SLC22A2: variants seen among roughly 807,000 people sequenced by gnomAD.
SLC22A2 encodes the protein organic cation transporter 2.
A neutral mutation model predicts 60.5 loss-of-function variants in SLC22A2; 46 were observed. The ratio of observed to expected loss-of-function variants is 0.76; its 90% CI spans 0.60 to 0.97. SLC22A2 has a LOEUF of 0.97. SLC22A2 is among the 50% of genes least tolerant of loss of function. The probability of loss-of-function intolerance (pLI) is 0.00; values close to 1 mark genes in which losing one functional copy is unlikely to be tolerated. For synonymous variants in SLC22A2, 303 were observed against 267.0 expected (o/e 1.13, Z -1.31); for missense variants, 701 against 706.6 (o/e 0.99, Z 0.09).
rs190969143 is a variant in SLC22A2 at position 160,229,022 on chromosome 6, G to T, written c.1502-4218C>A. On this transcript the variant is annotated intron_variant, in intron 9 of 10. Coordinates refer to ENST00000366953, the MANE Select transcript of SLC22A2 (RefSeq NM_003058.4). Reference sequence around the variant, plus strand: ...CTCGTTGCTCACACAAAGCCTGTTTGGTGGTCTCTTCACATGGACACCAGT... The same window carrying T: ...CTCGTTGCTCACACAAAGCCTGTTTTGTGGTCTCTTCACATGGACACCAGT... 3.2e-3 allele frequency among the ~76,000 whole-genome samples: 493 copies of T among 151,972 alleles called. 10 individuals are homozygous for T. Among genetic ancestry groups the T allele is most frequent in the African/African-American group, 0.011 (469 of 41,268 alleles).
Position 160,245,525 on chromosome 6 carries a change from T to G in SLC22A2, c.978A>C (p.Glu326Asp), listed in dbSNP as rs372742975. The G allele has an allele frequency of 6.2e-7, 1 of 1,610,922 alleles. No homozygotes were observed. Among genetic ancestry groups the G allele is most frequent in the Non-Finnish European group, 8.5e-7 (1 of 1,178,080 alleles). ...ATGAAGGGTTCAATTTCTTGCCAGT[T>G]TCCTCTTCAAGTCTCAGGCGCTAAG... ...ASLQRLRLEE[E>D]TGKKLNPSFL... Residue 326 changes from glutamate (E) to aspartate (D), a missense_variant, in exon 6 of 11, where the codon GAA becomes GAC. Coordinates refer to ENST00000366953, the MANE Select transcript of SLC22A2 (RefSeq NM_003058.4).
chr6:160,231,430 A>G (rs1308377106), intron 9 of SLC22A2, among the ~76,000 whole-genome samples: 2 of 151,666 alleles, frequency 1.3e-5, no homozygotes, highest in African/African-American at 4.9e-5. Context: ...AACCGATCAC[A>G]TGCCCATTAC....
rs1783323890 is a variant in SLC22A2 at position 160,258,744 on chromosome 6, A to C, written c.14T>G (p.Val5Gly). MPTT[V>G]DDVLEHGGEF... ...CCCTCCATGCTCCAGGACATCGTCC[A>C]CGGTGGTGGGCATGATCCTGCAGGC... The change falls in exon 1 of 11, where the codon GTG becomes GGG. Residue 5 changes from valine to glycine, a missense_variant. Coordinates refer to ENST00000366953, the MANE Select transcript of SLC22A2 (RefSeq NM_003058.4). 6.4e-7 allele frequency: 1 copy of C among 1,559,810 alleles called. No individual in the cohort carries two copies. The highest frequency in any genetic ancestry group is 1.2e-5 in the South Asian group (1 of 81,480).
chr6:160,232,383 G>T (rs1007945508), intron 9 of SLC22A2, among the ~76,000 whole-genome samples: 2 of 151,820 alleles, frequency 1.3e-5, no homozygotes, highest in African/African-American at 2.4e-5. Context: ...TATCATTGAG[G>T]CTACCGCTCT....
intron 6 of SLC22A2, 65 bp downstream of exon 6, chr6:160,245,374 C>G: frequency 3.3e-6 from 3 of 907,004 alleles, no homozygotes; most frequent in Non-Finnish European, 3.5e-6. Flanking sequence ...TTCTTCCCTT[C>G]CTTACTATGG....
Position 160,217,343 on chromosome 6 carries a change from G to T in SLC22A2, c.*89C>A, listed in dbSNP as rs1428490846. The T allele has an allele frequency of 2.5e-6, 2 of 794,620 alleles. No homozygotes were observed. The highest frequency in any genetic ancestry group is 2.4e-5 in the Admixed American group (1 of 42,212). The allele number at this position is 794,620 out of a possible 1,614,324, so 49.2% of individuals were successfully genotyped here. A position where few individuals can be genotyped will look rare whatever the true frequency, so the allele number is the denominator to read the frequency against. On this transcript the variant is annotated 3_prime_UTR_variant, in exon 11 of 11. Coordinates refer to ENST00000366953, the MANE Select transcript of SLC22A2 (RefSeq NM_003058.4). Reference sequence around the variant, plus strand: ...GCTCAGGGGTAAGTTTGGTTGAGTTGTATGGGCTTTGTGATGAGTGCAGGG... The same window carrying T: ...GCTCAGGGGTAAGTTTGGTTGAGTTTTATGGGCTTTGTGATGAGTGCAGGG...
chr6:160,229,633 TC>T (rs1190480459), intron 9 of SLC22A2, among the ~76,000 whole-genome samples: 1 of 151,594 alleles, frequency 6.6e-6, no homozygotes, highest in East Asian at 1.9e-4. Flanking sequence ...TTTACACTTT[TC>T]TGGGGGGCAA....
chr6:160,247,704 T>A (rs1055388972), intron 4 of SLC22A2, among the ~76,000 whole-genome samples: 1 of 152,204 alleles, frequency 6.6e-6, no homozygotes, highest in Non-Finnish European at 1.5e-5. Flanking sequence ...AGGAATGAGA[T>A]AAGAATTTGA....
chr6:160,245,369 C>T, intron 6 of SLC22A2, 70 bp downstream of exon 6: 1 of 857,556 alleles, frequency 1.2e-6, no homozygotes, highest in Non-Finnish European at 1.9e-6. Context: ...ATGTTTTCTT[C>T]CCTTCCTTAC....
intron 4 of SLC22A2, among the ~76,000 whole-genome samples, chr6:160,248,270 C>T (rs1021352834): frequency 6.6e-6 from 1 of 152,128 alleles, no homozygotes. Flanking sequence ...CATGTGAGGG[C>T]CCACAAGTGG....
chr6:160,242,998 A>G (rs772297171), intron 7 of SLC22A2, among the ~76,000 whole-genome samples: 1 of 152,186 alleles, frequency 6.6e-6, no homozygotes, highest in African/African-American at 2.4e-5. Context: ...GGCCAACTTT[A>G]GTCTATAGAA....
intron 1 of SLC22A2, among the ~76,000 whole-genome samples, chr6:160,257,386 A>T (rs1033237914): frequency 6.6e-6 from 1 of 152,164 alleles, no homozygotes; most frequent in African/African-American, 2.4e-5. Context: ...GGACCAGGTC[A>T]GGAGACCCAT....
chr6:160,243,916 T>C, intron 6 of SLC22A2, 130 bp from the exon 7 acceptor site: 1 of 631,670 alleles, frequency 1.6e-6, no homozygotes. Context: ...TAGTCCCCCA[T>C]CCCACTGCTT....
chr6:160,223,445 A>G (rs910798678), intron 10 of SLC22A2, among the ~76,000 whole-genome samples: 2 of 152,130 alleles, frequency 1.3e-5, no homozygotes, highest in African/African-American at 4.8e-5. Flanking sequence ...ATACATTTCT[A>G]TGTTTTGCTT....
intron 9 of SLC22A2, among the ~76,000 whole-genome samples, chr6:160,228,210 C>T (rs902976680): frequency 1.3e-5 from 2 of 152,184 alleles, no homozygotes; most frequent in Non-Finnish European, 2.9e-5. Context: ...TTTCCAATAA[C>T]ATCTTTCTGG....
At position 160,249,326 on chromosome 6, in the gene SLC22A2, G is replaced by C; in HGVS notation, c.732C>G (p.Ala244=). 6.2e-7 allele frequency: 1 copy of C among 1,613,484 alleles called. No individual in the cohort carries two copies. Among genetic ancestry groups the C allele is most frequent in the South Asian group, 1.1e-5 (1 of 90,960 alleles). Reference sequence around the variant, plus strand: ...CTAGCACCAGGAGCCCAACTGTATAGGCAACTTGGTAAAAAATCCCCACTG... The same window carrying C: ...CTAGCACCAGGAGCCCAACTGTATACGCAACTTGGTAAAAAATCCCCACTG... The part of the protein sequence containing the change: ...RRTVGIFYQV[A]YTVGLLVLAG... Residue 244 remains alanine (A), a synonymous_variant, in exon 4 of 11, where the codon GCC becomes GCG. Coordinates refer to ENST00000366953, the MANE Select transcript of SLC22A2 (RefSeq NM_003058.4).
Position 160,247,211 on chromosome 6 carries a change from A to ATTTT in SLC22A2, c.926_929dup (p.Asn310LysfsTer16). 6.2e-7 allele frequency: 1 copy of ATTTT among 1,611,920 alleles called. No individual in the cohort carries two copies. Among genetic ancestry groups the ATTTT allele is most frequent in the Non-Finnish European group, 8.5e-7 (1 of 1,178,200 alleles). On this transcript the variant is annotated frameshift_variant, in exon 5 of 11. Transcript: ENST00000366953. LOFTEE classifies it high-confidence loss of function. ...GAAGGGAGGCGGGTAGAGATTTTCC[A>ATTTT]TTTTTCTTTGCGATGTGCTTAATGA...
intron 9 of SLC22A2, among the ~76,000 whole-genome samples, chr6:160,233,108 C>G (rs1334757531): frequency 6.6e-6 from 1 of 152,000 alleles, no homozygotes; most frequent in Non-Finnish European, 1.5e-5. Flanking sequence ...CCCTTCTCTA[C>G]ACATCAAGCT....
intron 9 of SLC22A2, among the ~76,000 whole-genome samples, chr6:160,227,499 A>T (rs994390685): frequency 6.6e-6 from 1 of 152,212 alleles, no homozygotes; most frequent in Non-Finnish European, 1.5e-5. Context: ...CTTAATACGT[A>T]TAAAACCAAG....
Sources: gnomAD v4.1 joint callset for allele counts (sites outside exome capture counted in the v4.1 genomes callset) on GRCh38, gnomAD v4.1.1 for gene constraint, MANE v1.5 for transcripts, NCBI Gene and HGNC (gene_info 2026-07-23, HGNC 2026-07-21) for gene names.